Variants in PNOC observed in about 807,000 individuals in gnomAD.
PNOC encodes the protein nociceptin.
PNOC carries 10 observed loss-of-function variants against 15.6 expected under a neutral mutation model. The observed-to-expected ratio is 0.64, with a 90% confidence interval of 0.40 to 1.09. The LOEUF (loss-of-function observed/expected upper bound fraction) is 1.09. PNOC is among the 50% of genes least tolerant of loss of function. The pLI, the probability that PNOC is intolerant of heterozygous loss-of-function variation, is 0.01. For missense variants in PNOC, 220 were observed against 223.9 expected (o/e 0.98, Z 0.11); for synonymous variants, 98 against 88.5 (o/e 1.11, Z -0.60).
At chr8:28,337,799 G>A (rs1288744156) in intron 2 of PNOC, among the ~76,000 whole-genome samples, 8 of 149,874 alleles carry the variant, frequency 5.3e-5, no homozygotes, top group African/African-American at 2.0e-4. Context: ...CACCATGTTA[G>A]CCAGGATGGT....
intron 3 of PNOC, among the ~76,000 whole-genome samples, chr8:28,342,551 G>A (rs1214528381): frequency 6.6e-6 from 1 of 152,080 alleles, no homozygotes; most frequent in Non-Finnish European, 1.5e-5. Flanking sequence ...CTAGGCAATG[G>A]AAACTGAGCA....
intron 3 of PNOC, among the ~76,000 whole-genome samples, chr8:28,342,639 A>G (rs1801542481): frequency 6.6e-6 from 1 of 152,212 alleles, no homozygotes; most frequent in South Asian, 2.1e-4. Flanking sequence ...AAACAAGGGC[A>G]CTATTTCGCA....
intron 2 of PNOC, among the ~76,000 whole-genome samples, chr8:28,330,326 C>A (rs1052242093): frequency 6.6e-6 from 1 of 150,892 alleles, no homozygotes; most frequent in Non-Finnish European, 1.5e-5. Context: ...ACAGAAGGAC[C>A]GTGTAATTTG....
intron 2 of PNOC, among the ~76,000 whole-genome samples, chr8:28,330,607 G>A (rs559201204): frequency 1.4e-4 from 19 of 132,082 alleles, no homozygotes; most frequent in African/African-American, 4.7e-4. Flanking sequence ...GGGTTTCACC[G>A]TGTTAGGATG....
intron 2 of PNOC, among the ~76,000 whole-genome samples, chr8:28,336,105 C>G (rs925550606): frequency 6.6e-6 from 1 of 152,192 alleles, no homozygotes; most frequent in African/African-American, 2.4e-5. Flanking sequence ...GACTCTTTCT[C>G]ACCTCTTTTC....
At chr8:28,324,046 A>G (rs1231950705) in intron 1 of PNOC, among the ~76,000 whole-genome samples, 1 of 152,192 alleles carries the variant, frequency 6.6e-6, no homozygotes, top group Admixed American at 6.5e-5. Flanking sequence ...GGAGACAGAG[A>G]AGGGTCGGGA....
At chr8:28,318,784 A>AT (rs1163058802) in intron 1 of PNOC, among the ~76,000 whole-genome samples, 1 of 152,228 alleles carries the variant, frequency 6.6e-6, no homozygotes, top group Non-Finnish European at 1.5e-5. Context: ...GCCTCGGGTC[A>AT]TTTTGAGGGC....
rs142648392 is a variant in PNOC, at chr8:28,322,084, C to A, written c.-24+4768C>A. 3.4e-3 allele frequency among the ~76,000 whole-genome samples: 510 copies of A among 152,150 alleles called. 2 individuals are homozygous for A. Among genetic ancestry groups the A allele is most frequent in the African/African-American group, 0.011 (454 of 41,510 alleles). On this transcript the variant is annotated intron_variant, in intron 1 of 3. Transcript: ENST00000301908. ...ATCCCTGTGTGGACTGGAGAGAAGC[C>A]ACCATAAAGAGGTTGTCATCAGCCC... is the stretch of plus-strand genomic sequence containing the variant.
chr8:28,325,637 G>A (rs1180840705), intron 1 of PNOC, among the ~76,000 whole-genome samples: 3 of 136,522 alleles, frequency 2.2e-5, no homozygotes, highest in African/African-American at 8.3e-5. Context: ...GGGCGACAGA[G>A]TGAGACTCTG....
chr8:28,342,365 A>AG (rs1801536306), intron 3 of PNOC, among the ~76,000 whole-genome samples: 1 of 151,606 alleles, frequency 6.6e-6, no homozygotes, highest in African/African-American at 2.4e-5. Context: ...AAAAAAAAAA[A>AG]AAAAAAAAAA....
Position 28,339,244 on chromosome 8 carries a change from C to T in PNOC, c.331C>T (p.Pro111Ser). Residue 111 changes from proline (P) to serine (S), a missense_variant, in exon 3 of 4, where the codon CCC (proline) becomes TCC (serine). By Grantham distance (74) the Pro-to-Ser change is moderately conservative. Transcript: ENST00000301908. ...VRSLFQEQEE[P>S]EPGMEEAGEM... ...GAGCTTGTTCCAGGAGCAGGAAGAG[C>T]CCGAGCCTGGCATGGAGGAGGCTGG... The T allele has an allele frequency of 6.2e-7, 1 of 1,610,142 alleles. No homozygotes were observed. Among genetic ancestry groups the T allele is most frequent in the Non-Finnish European group, 8.5e-7 (1 of 1,176,660 alleles).
Position 28,329,224 on chromosome 8 carries a change from A to T in PNOC, c.67A>T (p.Arg23Trp). The change falls in exon 2 of 4, where the codon AGG becomes TGG. Residue 23 changes from arginine (R) to tryptophan (W), a missense_variant. By Grantham distance (101) the Arg-to-Trp change is moderately radical (BLOSUM62 -3). Coordinates refer to ENST00000301908, the MANE Select transcript of PNOC (RefSeq NM_006228.5). ...LFSSVFSSCQ[R>W]DCLTCQEKLH... The stretch of plus-strand genomic sequence containing the variant: ...CTCCAGTGTGTTCAGCAGTTGTCAG[A>T]GGGACTGTCTCACATGCCAGGAGAA... The T allele has an allele frequency of 6.2e-7, 1 of 1,614,040 alleles. No homozygotes were observed. Among genetic ancestry groups the T allele is most frequent in the Admixed American group, 1.7e-5 (1 of 60,020 alleles).
At chr8:28,334,797 T>C (rs1178091727) in intron 2 of PNOC, among the ~76,000 whole-genome samples, 2 of 152,154 alleles carry the variant, frequency 1.3e-5, no homozygotes, top group Non-Finnish European at 2.9e-5. Context: ...CCCAGCACAG[T>C]AGCAATTTTT....
At chr8:28,333,863 C>T (rs1239644375) in intron 2 of PNOC, among the ~76,000 whole-genome samples, 1 of 152,150 alleles carries the variant, frequency 6.6e-6, no homozygotes, top group South Asian at 2.1e-4. Flanking sequence ...GATCCAGCTC[C>T]CCCACTCTAC....
intron 2 of PNOC, among the ~76,000 whole-genome samples, chr8:28,330,350 C>G (rs1801301049): frequency 7.2e-6 from 1 of 139,374 alleles, no homozygotes; most frequent in Non-Finnish European, 1.6e-5. Flanking sequence ...AACCACTGAA[C>G]AGGTATGTGC....
chr8:28,337,964 G>A (rs981757619), intron 2 of PNOC, among the ~76,000 whole-genome samples: 2 of 152,118 alleles, frequency 1.3e-5, no homozygotes, highest in African/African-American at 4.8e-5. Context: ...TTGCCTTTAG[G>A]AATAAAACAG....
intron 2 of PNOC, chr8:28,338,797 C>T (rs893246746): frequency 1.7e-6 from 2 of 1,173,750 alleles, no homozygotes; most frequent in Non-Finnish European, 2.1e-6. Context: ...AGGTAAGTTA[C>T]GCTCACCTCT....
At position 28,329,270 on chromosome 8, in the gene PNOC, GC is replaced by G; in HGVS notation, c.114del (p.Phe39SerfsTer115). The G allele has an allele frequency of 1.2e-6, 2 of 1,613,568 alleles. No individual in the cohort carries two copies. The highest frequency in any genetic ancestry group is 1.7e-6 in the Non-Finnish European group (2 of 1,180,028). Reference protein sequence around the residue: ...CQEKLHPALDSFDLEVCILEC... With the variant: ...CQEKLHPALDXFDLEVCILEC... ...GAGAAGCTCCACCCAGCCCTGGACA[GC>G]TTCGACCTGGAGGTAGGTCTCCAAG... On this transcript the variant is annotated frameshift_variant, in exon 2 of 4. Transcript: ENST00000301908. LOFTEE classifies it high-confidence loss of function.
intron 1 of PNOC, among the ~76,000 whole-genome samples, chr8:28,322,349 G>A (rs1002758791): frequency 2.0e-5 from 3 of 152,046 alleles, no homozygotes; most frequent in Admixed American, 6.6e-5. Context: ...CCAAGATAGC[G>A]CCACTGAACT....
Sources: gnomAD v4.1 joint callset for allele counts (sites outside exome capture counted in the v4.1 genomes callset) on GRCh38, gnomAD v4.1.1 for gene constraint, MANE v1.5 for transcripts, NCBI Gene and HGNC (gene_info 2026-07-23, HGNC 2026-07-21) for gene names.